The following UBE4B variants were observed in gnomAD, a reference collection of about 807,000 sequenced individuals.
The protein encoded by UBE4B is ubiquitin conjugation factor E4 B.
Under a neutral mutation model 148.1 loss-of-function variants are expected in UBE4B, and 27 were observed. That is an observed-to-expected ratio of 0.18 (90% confidence interval 0.13 to 0.25). The LOEUF (loss-of-function observed/expected upper bound fraction) is 0.25. Ranked by LOEUF, UBE4B falls within the 10% of genes least tolerant of loss-of-function variation. The pLI is 1.00. For synonymous variants in UBE4B, 596 were observed against 619.3 expected (o/e 0.96, Z 0.56); for missense variants, 1,170 against 1,662.4 (o/e 0.70, Z 5.15).
intron 1 of UBE4B, among the ~76,000 whole-genome samples, chr1:10,035,741 T>C (rs557267712): frequency 6.8e-6 from 1 of 146,598 alleles, no homozygotes; most frequent in East Asian, 2.0e-4. Flanking sequence ...ATTTTTTATT[T>C]ATTTTATTTT....
rs374810881 is a variant in UBE4B, at chr1:10,124,212, A to G, written c.1554+2136A>G. The stretch of plus-strand genomic sequence containing the variant: ...AGTCTCTCTCTGTTACCCAGGCTGG[A>G]GTGCAGTGGCGCCGTCTCAGCTCAC... On this transcript the variant is annotated intron_variant, in intron 10 of 27. Coordinates refer to ENST00000343090, the MANE Select transcript of UBE4B (RefSeq NM_001105562.3). 1.0e-3 allele frequency among the ~76,000 whole-genome samples: 158 copies of G among 151,846 alleles called. 1 individual carries two copies. Among genetic ancestry groups the G allele is most frequent in the African/African-American group, 3.5e-3 (145 of 41,410 alleles).
At chr1:10,133,480 A>AT (rs1645629626) in intron 15 of UBE4B, among the ~76,000 whole-genome samples, 1 of 152,136 alleles carries the variant, frequency 6.6e-6, no homozygotes, top group South Asian at 2.1e-4. Context: ...TTGTATTATT[A>AT]TTTTTTTCTT....
At chr1:10,090,308 C>T (rs533446674) in intron 2 of UBE4B, among the ~76,000 whole-genome samples, 14 of 152,130 alleles carry the variant, frequency 9.2e-5, no homozygotes, top group African/African-American at 2.9e-4. Context: ...TTCATAGAGA[C>T]GGGGTCTCCC....
chr1:10,173,206 C>T (rs186025734), intron 25 of UBE4B, among the ~76,000 whole-genome samples: 13 of 152,156 alleles, frequency 8.5e-5, no homozygotes, highest in South Asian at 6.2e-4. Context: ...TGGCCGAGCG[C>T]GGTGGCTCAT....
At chr1:10,136,920 C>CAAATAAAT (rs372965293) in intron 16 of UBE4B, 147 bp from the exon 17 acceptor site, 7 of 972,564 alleles carry the variant, frequency 7.2e-6, no homozygotes, top group African/African-American at 3.3e-5. Flanking sequence ...AAGTCCATCT[C>CAAATAAAT]AAATAAATAA....
Position 10,168,602 on chromosome 1 carries a change from AG to A in UBE4B, c.3333+333del, listed in dbSNP as rs1646290871. Among the ~76,000 whole-genome samples, 1 of 152,178 alleles carries A rather than the reference AG, an allele frequency of 6.6e-6. No homozygotes were observed. The highest frequency in any genetic ancestry group is 6.5e-5 in the Admixed American group (1 of 15,280). ...ATTCCTATATTTTACTTATAGAAAA[AG>A]CATAAGGTGCCGGGTGCGGTGGCTC... On this transcript the variant is annotated intron_variant, in intron 24 of 27. Transcript: ENST00000343090. The surrounding 1 kb of genome is among the most constrained non-coding windows in gnomAD (Gnocchi z 4.9).
intron 1 of UBE4B, among the ~76,000 whole-genome samples, chr1:10,042,425 G>C (rs973399817): frequency 2.0e-4 from 30 of 151,836 alleles, no homozygotes; most frequent in Middle Eastern, 3.4e-3. Context: ...GAGGCGGGTG[G>C]ATCACGAGGT....
At chr1:10,036,983 G>C (rs927216989) in intron 1 of UBE4B, among the ~76,000 whole-genome samples, 1 of 152,116 alleles carries the variant, frequency 6.6e-6, no homozygotes, top group Non-Finnish European at 1.5e-5. Flanking sequence ...TTTAAATTAT[G>C]TGCACTTTTT....
At chr1:10,077,674 CAT>C (rs1174942379) in intron 2 of UBE4B, among the ~76,000 whole-genome samples, 1 of 152,224 alleles carries the variant, frequency 6.6e-6, no homozygotes, top group East Asian at 1.9e-4. Context: ...AGCTGGCTGA[CAT>C]TGTTCCTCTC....
At chr1:10,054,527 C>T in intron 1 of UBE4B, 3 of 353,880 alleles carry the variant, frequency 8.5e-6, no homozygotes, top group South Asian at 8.4e-5. Flanking sequence ...TGGTACCTTT[C>T]TCTTTGGCTT....
In UBE4B at chr1:10,129,337, A is replaced by G. The variant is rs2101939132; in HGVS notation, c.1639-55A>G. On this transcript the variant is annotated intron_variant, in intron 11 of 27. Coordinates refer to ENST00000343090, the MANE Select transcript of UBE4B (RefSeq NM_001105562.3). ...GTTAAAACTGTTTCTTTATGCTACAAATGACAGTCAGTTTAAGATGAAATG... is the reference window on the plus strand; with the variant it reads ...GTTAAAACTGTTTCTTTATGCTACAGATGACAGTCAGTTTAAGATGAAATG... 3 of 1,532,776 alleles carry G rather than the reference A, an allele frequency of 2.0e-6. No homozygotes were observed. The South Asian group carries it at 3.4e-5, about 18-fold the overall frequency. 94.9% of individuals were successfully genotyped at this position (1,532,776 alleles called of 1,614,324 possible). A position where few individuals can be genotyped will look rare whatever the true frequency, so the allele number is the denominator to read the frequency against.
At position 10,126,895 on chromosome 1, in the gene UBE4B, T is replaced by C. The variant is rs1382556928; in HGVS notation, c.1638+18T>C. Reference sequence around the variant, plus strand: ...CCCTCATGGTAAAACTTTGTTCTTTTTCTTTAACTCATTCAATAGATGTTT... The same window carrying C: ...CCCTCATGGTAAAACTTTGTTCTTTCTCTTTAACTCATTCAATAGATGTTT... On this transcript the variant is annotated intron_variant, in intron 11 of 27. Coordinates refer to ENST00000343090, the MANE Select transcript of UBE4B (RefSeq NM_001105562.3). 1.3e-6 allele frequency: 2 copies of C among 1,589,824 alleles called. No homozygotes were observed. The highest frequency in any genetic ancestry group is 8.6e-7 in the Non-Finnish European group (1 of 1,158,698).
intron 1 of UBE4B, among the ~76,000 whole-genome samples, chr1:10,053,412 G>A (rs1017235596): frequency 6.6e-6 from 1 of 151,544 alleles, no homozygotes; most frequent in South Asian, 2.1e-4. Flanking sequence ...GCCTCCCAAA[G>A]TCCTGGGATT....
At chr1:10,052,270 C>G (rs1644064094) in intron 1 of UBE4B, among the ~76,000 whole-genome samples, 1 of 151,830 alleles carries the variant, frequency 6.6e-6, no homozygotes, top group African/African-American at 2.4e-5. Context: ...CAGGGTCTCA[C>G]TATGTTGCCC....
At chr1:10,167,589 CTTTTT>C (rs1166780306) in intron 23 of UBE4B, among the ~76,000 whole-genome samples, 1 of 120,054 alleles carries the variant, frequency 8.3e-6, no homozygotes, top group African/African-American at 3.5e-5. Flanking sequence ...TTGATGGTGA[CTTTTT>C]TTTTTTTTTT....
intron 2 of UBE4B, among the ~76,000 whole-genome samples, chr1:10,088,749 G>A (rs1039611346): frequency 6.7e-6 from 1 of 150,304 alleles, no homozygotes; most frequent in Non-Finnish European, 1.5e-5. Flanking sequence ...ACGCAATCAT[G>A]GCTCACTGCA....
intron 17 of UBE4B, among the ~76,000 whole-genome samples, chr1:10,142,912 C>T (rs941978069): frequency 6.7e-6 from 1 of 149,662 alleles, no homozygotes; most frequent in Non-Finnish European, 1.5e-5. Flanking sequence ...GTTTGAGACC[C>T]GCCTGGCCAA....
chr1:10,130,956 A>G (rs1462330244), intron 14 of UBE4B, 143 bp downstream of exon 14: 2 of 685,110 alleles, frequency 2.9e-6, no homozygotes, highest in East Asian at 5.4e-5. Context: ...GATAAACTAT[A>G]AGTAAGTAGC....
intron 14 of UBE4B, among the ~76,000 whole-genome samples, chr1:10,131,881 A>G (rs1355619836): frequency 6.6e-6 from 1 of 151,880 alleles, no homozygotes; most frequent in Non-Finnish European, 1.5e-5. Context: ...TGAAACCGGG[A>G]GGCGGAGGTT....
Sources: gnomAD v4.1 joint callset for allele counts (sites outside exome capture counted in the v4.1 genomes callset) on GRCh38, gnomAD v4.1.1 for gene constraint, Gnocchi (gnomAD v3.1) non-coding constraint, MANE v1.5 for transcripts, NCBI Gene and HGNC (gene_info 2026-07-23, HGNC 2026-07-21) for gene names.